LRFN2: variants seen among roughly 807,000 people sequenced by gnomAD.
LRFN2 encodes the protein leucine rich repeat and fibronectin type III domain containing 2.
A neutral mutation model predicts 37.3 loss-of-function variants in LRFN2; 18 were observed. That is an observed-to-expected ratio of 0.48 (90% CI 0.33 to 0.72). The LOEUF is 0.72. Ranked by LOEUF, LRFN2 falls within the 30% of genes least tolerant of loss-of-function variation. LRFN2 has a pLI of 0.02. For missense variants in LRFN2, 1,006 were observed against 1,060.7 expected, an observed-to-expected ratio of 0.95 and a Z score of 0.72; for synonymous variants, 556 against 466.6, an observed-to-expected ratio of 1.19 and a Z score of -2.47.
intron 2 of LRFN2, among the ~76,000 whole-genome samples, chr6:40,428,569 C>T (rs1228898951): frequency 6.6e-6 from 1 of 152,154 alleles, no homozygotes; most frequent in Non-Finnish European, 1.5e-5. Flanking sequence ...GGACAGTGGG[C>T]AGCATGACCA....
chr6:40,515,663 C>T (rs1016832572), intron 1 of LRFN2, among the ~76,000 whole-genome samples: 4 of 152,066 alleles, frequency 2.6e-5, no homozygotes, highest in African/African-American at 4.8e-5. Context: ...CCAAGGCGGG[C>T]GGATTGCCTG....
At chr6:40,411,790 G>A (rs1762973755) in intron 2 of LRFN2, among the ~76,000 whole-genome samples, 1 of 151,768 alleles carries the variant, frequency 6.6e-6, no homozygotes, top group African/African-American at 2.4e-5. Flanking sequence ...ACCACCCCCA[G>A]CACCCTGCCA....
chr6:40,421,123 A>AGAGCAT (rs1249079916), intron 2 of LRFN2, among the ~76,000 whole-genome samples: 2 of 152,236 alleles, frequency 1.3e-5, no homozygotes, highest in Admixed American at 1.3e-4. Context: ...AGCAAGAGCA[A>AGAGCAT]GAGCAGTGAG....
chr6:40,459,500 G>A (rs1161405029), intron 1 of LRFN2, among the ~76,000 whole-genome samples: 1 of 152,188 alleles, frequency 6.6e-6, no homozygotes, highest in Admixed American at 6.5e-5. Flanking sequence ...AAACATGTGT[G>A]TTTTGCTGTG....
intron 1 of LRFN2, among the ~76,000 whole-genome samples, chr6:40,500,093 T>G (rs1293076478): frequency 6.6e-6 from 1 of 152,182 alleles, no homozygotes; most frequent in Non-Finnish European, 1.5e-5. Flanking sequence ...CCTCTTAGCC[T>G]CCACGACTGC....
chr6:40,443,556 C>T (rs938607757), intron 1 of LRFN2, among the ~76,000 whole-genome samples: 8 of 152,304 alleles, frequency 5.3e-5, no homozygotes, highest in Admixed American at 3.9e-4. Flanking sequence ...GTAATCCAGG[C>T]CCTGGATCCT....
chr6:40,415,277 A>G (rs4637639), intron 2 of LRFN2, among the ~76,000 whole-genome samples: 115,208 of 151,968 alleles, frequency 0.76, 45,114 homozygotes, highest in East Asian at 0.92. Context: ...CTAGGCTGGA[A>G]TGCAATGGTG....
chr6:40,495,967 C>A (rs372941252), intron 1 of LRFN2, among the ~76,000 whole-genome samples: 1 of 152,132 alleles, frequency 6.6e-6, no homozygotes, highest in Non-Finnish European at 1.5e-5. Context: ...CACCTTGAAC[C>A]CAAACAGAAA....
intron 1 of LRFN2, chr6:40,523,987 CTGGGAAGGGCAGGGGGAGGGG>C (rs1766167980): frequency 6.4e-5 from 1 of 15,716 alleles, no homozygotes. Flanking sequence ...GGGGGAGGGG[CTGGGAAGGGCAGGGGGAGGGG>C]CTGGGGAGGC....
chr6:40,439,101 C>CGAGCT (rs1358478757), intron 1 of LRFN2, among the ~76,000 whole-genome samples: 2 of 152,214 alleles, frequency 1.3e-5, no homozygotes, highest in East Asian at 3.9e-4. Flanking sequence ...AGAACCACCT[C>CGAGCT]GAGCTGTTCC....
chr6:40,573,937 G>A (rs933517531), intron 1 of LRFN2, among the ~76,000 whole-genome samples: 2 of 152,146 alleles, frequency 1.3e-5, no homozygotes, highest in Non-Finnish European at 2.9e-5. Context: ...CTGCAGCCTG[G>A]GCAACAAGAA....
chr6:40,484,522 T>C (rs544139274), intron 1 of LRFN2, among the ~76,000 whole-genome samples: 16 of 152,284 alleles, frequency 1.1e-4, no homozygotes, highest in African/African-American at 3.9e-4. Context: ...TCAGGGAGTC[T>C]GATGGGCCCT....
At chr6:40,475,663 T>G (rs139653000) in intron 1 of LRFN2, among the ~76,000 whole-genome samples, 1 of 152,340 alleles carries the variant, frequency 6.6e-6, no homozygotes, top group East Asian at 1.9e-4. Context: ...TTCTCACAGC[T>G]GCTTTTAAAG....
chr6:40,415,649 T>C (rs957918519), intron 2 of LRFN2, among the ~76,000 whole-genome samples: 2 of 152,236 alleles, frequency 1.3e-5, no homozygotes, highest in African/African-American at 4.8e-5. Flanking sequence ...CAGCTGTAGC[T>C]ACTGAATCGG....
rs146212654 is a variant in LRFN2 at position 40,412,264 on chromosome 6, G to C, written c.1401-19352C>G. Among the ~76,000 whole-genome samples the C allele has an allele frequency of 2.5e-3, 388 of 152,196 alleles. 12 individuals carry two copies. In the East Asian group the frequency reaches 0.031, roughly 12 times the overall value. On this transcript the variant is annotated intron_variant, in intron 2 of 2. Transcript: ENST00000338305. ...CCACTCCACACCTTACAAATTCTCA[G>C]GAAGAAAAATTTTCTGACCTTCCTC... is the stretch of plus-strand genomic sequence containing the variant.
chr6:40,452,490 G>GATT (rs1300386274), intron 1 of LRFN2, among the ~76,000 whole-genome samples: 2 of 152,196 alleles, frequency 1.3e-5, no homozygotes, highest in African/African-American at 4.8e-5. Flanking sequence ...AGCACTGCTG[G>GATT]ATTATTACTT....
chr6:40,568,477 A>G (rs1386275147), intron 1 of LRFN2, among the ~76,000 whole-genome samples: 1 of 152,194 alleles, frequency 6.6e-6, no homozygotes, highest in East Asian at 1.9e-4. Flanking sequence ...GGCAAAAAAA[A>G]GTTATGTATG....
chr6:40,533,211 T>C (rs1002181301), intron 1 of LRFN2, among the ~76,000 whole-genome samples: 3 of 152,218 alleles, frequency 2.0e-5, no homozygotes, highest in Non-Finnish European at 2.9e-5. Flanking sequence ...TCTTTTTCTC[T>C]ATCTCTTTAG....
At chr6:40,465,158 T>C (rs118011551) in intron 1 of LRFN2, among the ~76,000 whole-genome samples, 2,192 of 151,936 alleles carry the variant, frequency 0.014, 57 homozygotes, top group East Asian at 0.081. Flanking sequence ...AGGGATGGGG[T>C]CATAAGCTAA....
Sources: gnomAD v4.1 joint callset for allele counts (sites outside exome capture counted in the v4.1 genomes callset) on GRCh38, gnomAD v4.1.1 for gene constraint, MANE v1.5 for transcripts, NCBI Gene and HGNC (gene_info 2026-07-23, HGNC 2026-07-21) for gene names.